The following RHPN2 variants were observed in gnomAD, a reference collection of about 807,000 sequenced individuals.
RHPN2 encodes the protein rhophilin-2.
In RHPN2, 40 loss-of-function variants were observed where a neutral mutation model predicts 79.0. That is an observed-to-expected ratio of 0.51 (90% CI 0.39 to 0.66). RHPN2 has a LOEUF of 0.66. Among genes scored for constraint, RHPN2 ranks in the 30% least tolerant of loss-of-function variants. The pLI is 0.00. For missense variants in RHPN2, 686 were observed against 883.5 expected (o/e 0.78, Z 2.83); for synonymous variants, 285 against 363.5 (o/e 0.78, Z 2.46).
At chr19:33,037,123 G>C (rs1032742758) in intron 2 of RHPN2, among the ~76,000 whole-genome samples, 71 of 152,232 alleles carry the variant, frequency 4.7e-4, no homozygotes, top group African/African-American at 1.6e-3. Flanking sequence ...TAAATACACC[G>C]ATCGGCACTC....
chr19:32,983,054 C>CTACA (rs1971586696), intron 14 of RHPN2, among the ~76,000 whole-genome samples: 2 of 61,642 alleles, frequency 3.2e-5, no homozygotes, highest in South Asian at 1.3e-3. Flanking sequence ...TCCCAGATCT[C>CTACA]TACACACACA....
At position 33,003,174 on chromosome 19, in the gene RHPN2, G is replaced by A. The variant is rs144088108; in HGVS notation, c.761-174C>T. 2.1e-3 allele frequency among the ~76,000 whole-genome samples: 326 copies of A among 151,832 alleles called. 1 individual carries two copies. Among genetic ancestry groups the A allele is most frequent in the African/African-American group, 7.5e-3 (309 of 41,420 alleles). On this transcript the variant is annotated intron_variant, in intron 7 of 14. Coordinates refer to ENST00000254260, the MANE Select transcript of RHPN2 (RefSeq NM_033103.5). ...GGAATTCAAGACCAGCGTGGGCAACGTGGTGAAACCCTGTCTCTACAAAAA... is the reference window on the plus strand; with the variant it reads ...GGAATTCAAGACCAGCGTGGGCAACATGGTGAAACCCTGTCTCTACAAAAA...
intron 6 of RHPN2, among the ~76,000 whole-genome samples, chr19:33,010,582 A>G (rs188266163): frequency 6.6e-6 from 1 of 151,748 alleles, no homozygotes; most frequent in Non-Finnish European, 1.5e-5. Context: ...GCAGGGTTTC[A>G]CCATATTGGA....
intron 7 of RHPN2, among the ~76,000 whole-genome samples, chr19:33,007,224 T>C (rs1342948295): frequency 5.9e-5 from 9 of 151,444 alleles, no homozygotes; most frequent in Admixed American, 4.6e-4. Context: ...CGGTGGCTCA[T>C]GCCTGTAATC....
At chr19:32,988,212 C>CAACAA (rs1555709781) in intron 14 of RHPN2, among the ~76,000 whole-genome samples, 1 of 138,698 alleles carries the variant, frequency 7.2e-6, no homozygotes, top group Non-Finnish European at 1.5e-5. Context: ...ACAACAACAA[C>CAACAA]AAAAAAAAAA....
intron 2 of RHPN2, among the ~76,000 whole-genome samples, chr19:33,039,511 T>TC (rs1202604669): frequency 6.6e-6 from 1 of 151,628 alleles, no homozygotes; most frequent in African/African-American, 2.4e-5. Flanking sequence ...GATGTTACTA[T>TC]CCCCCCTCTG....
At chr19:32,992,243 G>T (rs1025258686) in intron 12 of RHPN2, 1 of 395,640 alleles carries the variant, frequency 2.5e-6, no homozygotes, top group Non-Finnish European at 4.8e-6. Context: ...TCACTCTGTC[G>T]CCCAGGCTAG....
chr19:32,981,783 T>C (rs1319065298), intron 14 of RHPN2, among the ~76,000 whole-genome samples: 2 of 150,732 alleles, frequency 1.3e-5, no homozygotes, highest in African/African-American at 4.9e-5. Context: ...TTTTCAAGTG[T>C]AGAGTTCGGT....
At chr19:33,054,322 T>A (rs1972214319) in intron 1 of RHPN2, among the ~76,000 whole-genome samples, 1 of 150,280 alleles carries the variant, frequency 6.7e-6, no homozygotes, top group Non-Finnish European at 1.5e-5. Context: ...TGCCTCAGCC[T>A]CCCGAGTAGC....
rs1971558017 is a variant in RHPN2, at chr19:32,979,726, A to G, written c.*270T>C. The G allele has an allele frequency of 4.7e-6, 2 of 429,266 alleles. No individual in the cohort carries two copies. The highest frequency in any genetic ancestry group is 2.9e-5 in the South Asian group (1 of 35,078). 26.6% of individuals were successfully genotyped at this position (429,266 alleles called of 1,614,324 possible). A position where few individuals can be genotyped will look rare whatever the true frequency, so the allele number is the denominator to read the frequency against. ...TCACCATTAAAAATAGCCATATTTC[A>G]TATCTTCAACACTATTCTATTTACA... On this transcript the variant is annotated 3_prime_UTR_variant, in exon 15 of 15. Coordinates refer to ENST00000254260, the MANE Select transcript of RHPN2 (RefSeq NM_033103.5).
intron 9 of RHPN2, among the ~76,000 whole-genome samples, chr19:33,000,934 G>T (rs572045095): frequency 6.6e-6 from 1 of 152,136 alleles, no homozygotes; most frequent in Non-Finnish European, 1.5e-5. Flanking sequence ...TTCACATCTT[G>T]TCTCACCTAA....
chr19:33,035,569 G>A (rs368032679), intron 2 of RHPN2, among the ~76,000 whole-genome samples: 1 of 152,272 alleles, frequency 6.6e-6, no homozygotes, highest in East Asian at 1.9e-4. Flanking sequence ...CAACCCTGGC[G>A]TCTGAGCTTC....
chr19:32,996,394 G>A lies in RHPN2; in HGVS notation c.1226-174C>T, dbSNP rs1406485028. ...CTGAGTGACTCTCTCCTAGCAGAGAGAGCCGGACAGACTCCATTTTAGTTT... is the reference window on the plus strand; with the variant it reads ...CTGAGTGACTCTCTCCTAGCAGAGAAAGCCGGACAGACTCCATTTTAGTTT... On this transcript the variant is annotated intron_variant, in intron 10 of 14. Coordinates refer to ENST00000254260, the MANE Select transcript of RHPN2 (RefSeq NM_033103.5). The A allele has an allele frequency of 7.5e-6, 5 of 665,978 alleles. No homozygotes were observed. In the Admixed American group the frequency reaches 8.9e-5, roughly 12 times the overall value. 41.3% of individuals were successfully genotyped at this position (665,978 alleles called of 1,614,324 possible). A position where few individuals can be genotyped will look rare whatever the true frequency, so the allele number is the denominator to read the frequency against.
chr19:33,055,357 C>A, intron 1 of RHPN2, among the ~76,000 whole-genome samples: 1 of 150,166 alleles, frequency 6.7e-6, no homozygotes, highest in African/African-American at 2.5e-5. Context: ...CAGATTCTGT[C>A]ATCTTTAAAA....
In RHPN2 at chr19:33,012,692, G is replaced by A; in HGVS notation, c.423C>T (p.Gly141=). The change falls in exon 5 of 15, where the codon GGC becomes GGT. Residue 141 remains glycine, a synonymous_variant. Coordinates refer to ENST00000254260, the MANE Select transcript of RHPN2 (RefSeq NM_033103.5). Reference sequence around the variant, plus strand: ...CTGCAATTTCATCTTCATATAAATAGCCATCTTCACTGTAATGTTCCAGGA... The same window carrying A: ...CTGCAATTTCATCTTCATATAAATAACCATCTTCACTGTAATGTTCCAGGA... The part of the protein sequence containing the change: ...DFILEHYSED[G]YLYEDEIADL... 1 of 1,605,624 alleles carries A rather than the reference G, an allele frequency of 6.2e-7. No homozygotes were observed. The highest frequency in any genetic ancestry group is 8.5e-7 in the Non-Finnish European group (1 of 1,172,292).
intron 13 of RHPN2, 85 bp from the exon 14 acceptor site, chr19:32,990,754 G>A (rs1299830969): frequency 2.8e-5 from 43 of 1,546,778 alleles, no homozygotes; most frequent in African/African-American, 1.1e-4. Context: ...AGGTATTTGC[G>A]TAAGTTCGCA....
chr19:33,064,633 A>C, intron 1 of RHPN2, 151 bp downstream of exon 1: 132 of 445,634 alleles, frequency 3.0e-4, no homozygotes, highest in East Asian at 6.0e-4. Context: ...CCTCCCCGCC[A>C]GCCTCCGTCC....
intron 14 of RHPN2, among the ~76,000 whole-genome samples, chr19:32,980,996 A>G (rs1378736791): frequency 1.3e-5 from 2 of 151,006 alleles, no homozygotes; most frequent in Admixed American, 1.3e-4. Flanking sequence ...CCGCCACCAC[A>G]CCTGGCTAAT....
At chr19:33,038,936 A>G (rs1972079230) in intron 2 of RHPN2, among the ~76,000 whole-genome samples, 1 of 152,028 alleles carries the variant, frequency 6.6e-6, no homozygotes, top group Non-Finnish European at 1.5e-5. Context: ...GTGATTACAG[A>G]CTTGAGCCAC....
Sources: gnomAD v4.1 joint callset for allele counts (sites outside exome capture counted in the v4.1 genomes callset) on GRCh38, gnomAD v4.1.1 for gene constraint, MANE v1.5 for transcripts, NCBI Gene and HGNC (gene_info 2026-07-23, HGNC 2026-07-21) for gene names.